WWP1: variants seen among roughly 807,000 people sequenced by gnomAD.
WWP1 encodes WW domain containing E3 ubiquitin protein ligase 1.
WWP1 carries 49 observed loss-of-function variants against 130.6 expected under a neutral mutation model. The ratio of observed to expected loss-of-function variants is 0.38; its 90% CI spans 0.30 to 0.48. The LOEUF (loss-of-function observed/expected upper bound fraction) is 0.48, where lower values mean the gene tolerates loss of function less well. Ranked by LOEUF, WWP1 falls within the 20% of genes least tolerant of loss-of-function variation. WWP1 has a pLI of 0.99. For synonymous variants in WWP1, 332 were observed against 367.8 expected (o/e 0.90, Z 1.11); for missense variants, 809 against 1,100.6 (o/e 0.74, Z 3.75).
At chr8:86,390,474 C>T (rs533924074) in intron 5 of WWP1, among the ~76,000 whole-genome samples, 3 of 152,330 alleles carry the variant, frequency 2.0e-5, no homozygotes, top group Admixed American at 2.0e-4. Flanking sequence ...TGGCAGATCA[C>T]TCGCGGTCAG....
intron 22 of WWP1, among the ~76,000 whole-genome samples, chr8:86,458,815 T>C (rs542959305): frequency 6.6e-6 from 1 of 152,114 alleles, no homozygotes; most frequent in African/African-American, 2.4e-5. Context: ...TAAAGAGATG[T>C]AGACACTTCT....
intron 9 of WWP1, among the ~76,000 whole-genome samples, chr8:86,422,337 ATTT>A (rs1809275967): frequency 6.7e-6 from 1 of 149,764 alleles, no homozygotes; most frequent in South Asian, 2.1e-4. Flanking sequence ...TTATTTATTT[ATTT>A]ATTTATTTAT....
intron 9 of WWP1, among the ~76,000 whole-genome samples, chr8:86,424,470 T>C (rs1344373176): frequency 2.7e-5 from 4 of 149,604 alleles, no homozygotes; most frequent in South Asian, 2.1e-4. Flanking sequence ...GAGGTGGAGG[T>C]TGTAGCTAGC....
chr8:86,464,920 C>T (rs549253400), intron 24 of WWP1, among the ~76,000 whole-genome samples: 11 of 151,568 alleles, frequency 7.3e-5, no homozygotes, highest in East Asian at 3.9e-4. Context: ...CATGCGCGCG[C>T]GTGTGTGTGT....
chr8:86,404,082 T>C (rs1231501032), intron 8 of WWP1, among the ~76,000 whole-genome samples: 4 of 152,190 alleles, frequency 2.6e-5, no homozygotes, highest in Non-Finnish European at 5.9e-5. Flanking sequence ...TGCTCCAAAA[T>C]CTGAAACTGT....
chr8:86,367,832 A>G (rs758319485), intron 1 of WWP1, among the ~76,000 whole-genome samples: 1 of 152,328 alleles, frequency 6.6e-6, no homozygotes, highest in South Asian at 2.1e-4. Context: ...GGCTTGTGAT[A>G]AGCACAGTAT....
chr8:86,386,177 A>G (rs1200915728), intron 5 of WWP1, among the ~76,000 whole-genome samples: 7 of 152,206 alleles, frequency 4.6e-5, no homozygotes, highest in African/African-American at 1.7e-4. Flanking sequence ...GCAACTTATC[A>G]CTAATCATGT....
At chr8:86,344,351 G>A (rs1254604321) in intron 1 of WWP1, among the ~76,000 whole-genome samples, 1 of 152,214 alleles carries the variant, frequency 6.6e-6, no homozygotes, top group East Asian at 1.9e-4. Flanking sequence ...CATAATACAG[G>A]ATGTCGCAGA....
intron 1 of WWP1, among the ~76,000 whole-genome samples, chr8:86,355,792 C>A (rs144541743): frequency 6.6e-6 from 1 of 152,186 alleles, no homozygotes. Flanking sequence ...AACCACCTGA[C>A]GTAAGCTTTA....
intron 5 of WWP1, 94 bp downstream of exon 5, chr8:86,381,723 A>C: frequency 7.9e-7 from 1 of 1,264,668 alleles, no homozygotes; most frequent in South Asian, 1.9e-5. Context: ...ATAGTTTTGT[A>C]TCCATAAAGA....
rs553547881 is a variant in WWP1 at position 86,381,424 on chromosome 8, A to T, written c.210-81A>T. ...GGTTTTTAAAACATTACTGAAATAA[A>T]TGCTTTAATAGGAATTGTTACTTAT... On this transcript the variant is annotated intron_variant, in intron 4 of 24. Transcript: ENST00000517970. 85 of 1,473,610 alleles carry T rather than the reference A, an allele frequency of 5.8e-5. No individual in the cohort carries two copies. In the East Asian group the frequency reaches 2.1e-3, roughly 36 times the overall value. 91.3% of individuals were successfully genotyped at this position (1,473,610 alleles called of 1,614,324 possible). A position where few individuals can be genotyped will look rare whatever the true frequency, so the allele number is the denominator to read the frequency against.
At chr8:86,344,187 T>C (rs1342460944) in intron 1 of WWP1, among the ~76,000 whole-genome samples, 1 of 152,212 alleles carries the variant, frequency 6.6e-6, no homozygotes, top group Non-Finnish European at 1.5e-5. Flanking sequence ...TGGCCAAGTA[T>C]TGGGAGCTAC....
chr8:86,374,017 T>C lies in WWP1; in HGVS notation c.-21-13T>C, dbSNP rs1285516288. ...TATCTAACACATGAATAAATTCCCC[T>C]TTTTTAAAATAGGTTTTAGCTGAAT... On this transcript the variant is annotated splice_polypyrimidine_tract_variant and intron_variant, in intron 2 of 24. Coordinates refer to ENST00000517970, the MANE Select transcript of WWP1 (RefSeq NM_007013.4). 6.3e-6 allele frequency: 10 copies of C among 1,578,330 alleles called. No individual in the cohort carries two copies. Among genetic ancestry groups the C allele is most frequent in the Non-Finnish European group, 7.7e-6 (9 of 1,165,168 alleles).
At chr8:86,404,541 A>C (rs1808169670) in intron 8 of WWP1, among the ~76,000 whole-genome samples, 1 of 152,230 alleles carries the variant, frequency 6.6e-6, no homozygotes, top group Non-Finnish European at 1.5e-5. Context: ...TAAAATTTTA[A>C]GGTAAAAATA....
chr8:86,448,046 CTTTG>C (rs1810979457), intron 18 of WWP1, 98 bp from the exon 19 acceptor site: 2 of 1,005,602 alleles, frequency 2.0e-6, no homozygotes, highest in Non-Finnish European at 2.9e-6. Flanking sequence ...TTACTGAATG[CTTTG>C]TTTACTTGTG....
intron 11 of WWP1, among the ~76,000 whole-genome samples, chr8:86,430,261 T>C (rs1450760960): frequency 6.6e-6 from 1 of 152,084 alleles, no homozygotes; most frequent in African/African-American, 2.4e-5. Flanking sequence ...TGTGGACCTA[T>C]CTATCTGTCT....
intron 1 of WWP1, among the ~76,000 whole-genome samples, chr8:86,350,924 A>G (rs893264955): frequency 1.3e-5 from 2 of 152,194 alleles, no homozygotes; most frequent in African/African-American, 4.8e-5. Flanking sequence ...TGTTTTGTAT[A>G]AAGTAGGATA....
chr8:86,364,311 A>C (rs1823835204), intron 1 of WWP1, among the ~76,000 whole-genome samples: 1 of 152,208 alleles, frequency 6.6e-6, no homozygotes, highest in Non-Finnish European at 1.5e-5. Context: ...TTTTGAGAAC[A>C]AGGCTTTCAT....
In WWP1 at chr8:86,421,774, G is replaced by GATTGC. The variant is rs58294229; in HGVS notation, c.1062-3448_1062-3444dup. On this transcript the variant is annotated intron_variant, in intron 9 of 24. Coordinates refer to ENST00000517970, the MANE Select transcript of WWP1 (RefSeq NM_007013.4). ...GGGAGGCGGAGCTTACATGAGCCAA[G>GATTGC]ATTGCGCCACTGCATTCCAGCCTGG... Among the ~76,000 whole-genome samples the GATTGC allele has an allele frequency of 7.1e-3, 1,082 of 152,214 alleles. 8 individuals are homozygous for GATTGC. The highest frequency in any genetic ancestry group is 0.02 in the Middle Eastern group (6 of 294).
Sources: allele counts gnomAD v4.1 joint callset (sites outside exome capture counted in the v4.1 genomes callset), GRCh38; gene constraint gnomAD v4.1.1; transcripts MANE v1.5; gene names NCBI Gene and HGNC (gene_info 2026-07-23, HGNC 2026-07-21).